The following LGI2 variants were observed in gnomAD, a reference collection of about 807,000 sequenced individuals.
LGI2 encodes the protein leucine rich repeat LGI family member 2.
A neutral mutation model predicts 52.0 loss-of-function variants in LGI2; 30 were observed. That is an observed-to-expected ratio of 0.58 (90% CI 0.43 to 0.78). The LOEUF (loss-of-function observed/expected upper bound fraction) is 0.78. Among genes scored for constraint, LGI2 ranks in the 30% least tolerant of loss-of-function variants. LGI2 has a pLI of 0.00. For synonymous variants in LGI2, 270 were observed against 271.8 expected (o/e 0.99, Z 0.06); for missense variants, 573 against 692.5 (o/e 0.83, Z 1.94).
In LGI2 at chr4:25,028,524, C is replaced by G. The variant is rs75275479; in HGVS notation, c.252G>C (p.Leu84=). 29 of 1,613,380 alleles carry G rather than the reference C, an allele frequency of 1.8e-5. No homozygotes were observed. The African/African-American group carries it at 3.7e-4, about 21-fold the overall frequency. The part of the protein sequence containing the change: ...SEIKDRMFSH[L]PSLQLLLLNS... ...ATACTCACAGCAGCTGCAGAGAAGGCAGATGGGAAAACATTCGGTCCTTGA... is the reference window on the plus strand; with the variant it reads ...ATACTCACAGCAGCTGCAGAGAAGGGAGATGGGAAAACATTCGGTCCTTGA... The change falls in exon 2 of 8, where the codon CTG becomes CTC. Residue 84 remains leucine, a synonymous_variant. Transcript: ENST00000382114.
chr4:25,026,119 T>G (rs1726143585), intron 3 of LGI2, among the ~76,000 whole-genome samples: 1 of 151,774 alleles, frequency 6.6e-6, no homozygotes, highest in African/African-American at 2.4e-5. Flanking sequence ...GTGTCTAGAA[T>G]TCCAATACCT....
In LGI2 at chr4:25,003,706, G is replaced by T. The variant is rs1560286652; in HGVS notation, c.1383C>A (p.Ser461=). 5 of 1,614,078 alleles carry T rather than the reference G, an allele frequency of 3.1e-6. No homozygotes were observed. The Admixed American group carries it at 5.0e-5, about 16-fold the overall frequency. The change falls in exon 8 of 8, where the codon TCC becomes TCA. Residue 461 remains serine, a synonymous_variant. Coordinates refer to ENST00000382114, the MANE Select transcript of LGI2 (RefSeq NM_018176.4). ...KQFVEIQALP[S]RGAMTLQPFS... is the part of the protein sequence containing the mutation. ...AGGGCTGCAGGGTCATGGCCCCCCG[G>T]GATGGAAGAGCTTGGATCTCCACAA...
rs1422927217 is a variant in LGI2 at position 25,003,811 on chromosome 4, G to A, written c.1278C>T (p.Phe426=). The A allele has an allele frequency of 6.2e-7, 1 of 1,614,062 alleles. No homozygotes were observed. The highest frequency in any genetic ancestry group is 1.3e-5 in the African/African-American group (1 of 74,914). Residue 426 remains phenylalanine (F), a synonymous_variant, in exon 8 of 8, where the codon TTC becomes TTT. Coordinates refer to ENST00000382114, the MANE Select transcript of LGI2 (RefSeq NM_018176.4). ...NMEDVLAVKS[F]RMQNTLYLSL... is the part of the protein sequence containing the mutation. ...AAAGGTAGAGGGTATTTTGCATTCG[G>A]AAGCTCTTCACAGCCAGTACGTCCT...
rs761882641 is a variant in LGI2 at position 25,004,062 on chromosome 4, C to A, written c.1027G>T (p.Ala343Ser). The A allele has an allele frequency of 1.9e-6, 3 of 1,614,148 alleles. No individual in the cohort carries two copies. Among genetic ancestry groups the A allele is most frequent in the Non-Finnish European group, 2.5e-6 (3 of 1,180,040 alleles). Residue 343 changes from alanine (A) to serine (S), a missense_variant, in exon 8 of 8, where the codon GCA becomes TCA. Physicochemically the swap from Ala to Ser is moderately conservative, Grantham distance 99. Coordinates refer to ENST00000382114, the MANE Select transcript of LGI2 (RefSeq NM_018176.4). The surrounding 1 kb of genome is among the most constrained non-coding windows in gnomAD (Gnocchi z 4.6). ...GACAGACCAGCCTTTGAGCTGTCTG[C>A]GATGACAAAGAACGTCTCGTCGTCG... ...QIDDETFFVIADSSKAGLSTV... is the reference protein window; with the variant it reads ...QIDDETFFVISDSSKAGLSTV...
chr4:25,028,670 T>C, intron 1 of LGI2, 92 bp from the exon 2 acceptor site: 1 of 1,057,970 alleles, frequency 9.5e-7, no homozygotes, highest in Non-Finnish European at 1.4e-6. Context: ...CACCTGTACT[T>C]CAAACCCTGA....
In LGI2 at chr4:25,028,498, C is replaced by T. The variant is rs1726216699; in HGVS notation, c.269+9G>A. 6.2e-7 allele frequency: 1 copy of T among 1,612,310 alleles called. No homozygotes were observed. The highest frequency in any genetic ancestry group is 8.5e-7 in the Non-Finnish European group (1 of 1,179,466). On this transcript the variant is annotated intron_variant, in intron 2 of 7. Transcript: ENST00000382114. ...CCCCCATTGTGCAGAGGGAACTTCCCATACTCACAGCAGCTGCAGAGAAGG... is the reference window on the plus strand; with the variant it reads ...CCCCCATTGTGCAGAGGGAACTTCCTATACTCACAGCAGCTGCAGAGAAGG...
chr4:25,012,208 C>T (rs572002611), intron 7 of LGI2, 127 bp downstream of exon 7: 575 of 996,382 alleles, frequency 5.8e-4, no homozygotes, highest in Middle Eastern at 9.7e-4. Flanking sequence ...AAGGCTGGGA[C>T]GTGTTCCCCA....
chr4:25,006,803 T>C (rs1725404866), intron 7 of LGI2, among the ~76,000 whole-genome samples: 1 of 152,212 alleles, frequency 6.6e-6, no homozygotes, highest in Admixed American at 6.5e-5. Flanking sequence ...AGTTAAGTAA[T>C]TTATTAAAAG....
intron 4 of LGI2, among the ~76,000 whole-genome samples, chr4:25,022,464 G>A (rs997267694): frequency 6.6e-5 from 10 of 152,102 alleles, no homozygotes; most frequent in Non-Finnish European, 1.3e-4. Flanking sequence ...GCTTGACCGC[G>A]GGGTGGTCCT....
chr4:25,020,943 TA>T (rs949837094), intron 4 of LGI2, among the ~76,000 whole-genome samples: 3 of 152,188 alleles, frequency 2.0e-5, no homozygotes, highest in African/African-American at 7.2e-5. Flanking sequence ...TGGAAATTTT[TA>T]AAAGGGGGGT....
At chr4:25,008,122 C>A (rs1001135020) in intron 7 of LGI2, among the ~76,000 whole-genome samples, 2 of 152,230 alleles carry the variant, frequency 1.3e-5, no homozygotes, top group Non-Finnish European at 2.9e-5. Context: ...GCACCACCTT[C>A]TACCTCCTTC....
intron 4 of LGI2, among the ~76,000 whole-genome samples, chr4:25,022,561 T>G (rs1187680486): frequency 6.6e-6 from 1 of 152,180 alleles, no homozygotes; most frequent in Non-Finnish European, 1.5e-5. Context: ...TCCCTCTGTG[T>G]TTGTGTTCTC....
chr4:25,025,479 G>A (rs1726115888), intron 3 of LGI2, among the ~76,000 whole-genome samples: 1 of 152,184 alleles, frequency 6.6e-6, no homozygotes, highest in East Asian at 1.9e-4. Flanking sequence ...CTAGGAAGTA[G>A]GAAGTATAAT....
downstream of LGI2, among the ~76,000 whole-genome samples, chr4:24,995,036 A>AT (rs1000665049): frequency 7.2e-5 from 11 of 152,306 alleles, no homozygotes; most frequent in Admixed American, 5.2e-4. Context: ...ATCTCCCTGG[A>AT]TTTTTTAGCT....
rs116879900 is a variant in LGI2, at chr4:25,013,268, T to C, written c.656-769A>G. Among the ~76,000 whole-genome samples the C allele has an allele frequency of 1.6e-3, 240 of 152,330 alleles. 1 individual carries two copies. The East Asian group carries it at 0.022, about 14-fold the overall frequency. ...ACTGAATCCTTGTTGGCTAAACCAC[T>C]GTGAGGCGGCTGGCCTTGCTTCTCA... is the stretch of plus-strand genomic sequence containing the variant. On this transcript the variant is annotated intron_variant, in intron 6 of 7. Coordinates refer to ENST00000382114, the MANE Select transcript of LGI2 (RefSeq NM_018176.4).
intron 6 of LGI2, among the ~76,000 whole-genome samples, chr4:25,015,753 G>T (rs1357726771): frequency 6.6e-6 from 1 of 152,060 alleles, no homozygotes; most frequent in African/African-American, 2.4e-5. Flanking sequence ...AGCAACAGAG[G>T]CTAAGGTTTG....
intron 7 of LGI2, among the ~76,000 whole-genome samples, chr4:25,005,539 A>G (rs540385649): frequency 2.0e-5 from 3 of 151,966 alleles, no homozygotes; most frequent in East Asian, 3.9e-4. Context: ...AAATAGATAC[A>G]ATTTTAATTT....
intron 3 of LGI2, among the ~76,000 whole-genome samples, chr4:25,026,426 C>A (rs1193711308): frequency 6.6e-6 from 1 of 151,912 alleles, no homozygotes; most frequent in Non-Finnish European, 1.5e-5. Context: ...GGAGATACTG[C>A]AAAAGAGATG....
chr4:25,010,007 GA>G lies in LGI2; in HGVS notation c.820+2327del, dbSNP rs373733145. On this transcript the variant is annotated intron_variant, in intron 7 of 7. Transcript: ENST00000382114. ...TGCCTGGCTCAGAGTAAGCGTTCAAGAAATCTTTGAGAATGAATGAATAAAT... is the reference window on the plus strand; with the variant it reads ...TGCCTGGCTCAGAGTAAGCGTTCAAGAATCTTTGAGAATGAATGAATAAAT... 7.9e-3 allele frequency among the ~76,000 whole-genome samples: 1,200 copies of G among 152,226 alleles called. 16 individuals are homozygous for G. Among genetic ancestry groups the G allele is most frequent in the African/African-American group, 0.027 (1,136 of 41,522 alleles).
Sources: gnomAD v4.1 joint callset for allele counts (sites outside exome capture counted in the v4.1 genomes callset) on GRCh38, gnomAD v4.1.1 for gene constraint, Gnocchi (gnomAD v3.1) non-coding constraint, MANE v1.5 for transcripts, NCBI Gene and HGNC (gene_info 2026-07-23, HGNC 2026-07-21) for gene names.